RYR2: variants seen among roughly 807,000 people sequenced by gnomAD.
The protein encoded by RYR2 is ryanodine receptor 2, also known as cardiac muscle ryanodine receptor-calcium release channel.
RYR2 carries 227 observed loss-of-function variants against 601.1 expected under a neutral mutation model. The observed-to-expected ratio is 0.38, with a 90% CI of 0.34 to 0.42. The LOEUF (loss-of-function observed/expected upper bound fraction) is 0.42, where lower values mean the gene tolerates loss of function less well. RYR2 is among the 10% of genes least tolerant of loss of function. The pLI is 1.00. For missense variants in RYR2, 4,646 were observed against 6,156.5 expected, an observed-to-expected ratio of 0.75 and a Z score of 8.21; for synonymous variants, 2,223 against 2,175.1, an observed-to-expected ratio of 1.02 and a Z score of -0.61.
intron 22 of RYR2, 25 bp downstream of exon 22, chr1:237,503,530 A>G (rs1474170597): frequency 6.2e-7 from 1 of 1,608,694 alleles, no homozygotes; most frequent in Non-Finnish European, 8.5e-7. Context: ...TCGAATGGCA[A>G]TCACTGGTAT....
intron 3 of RYR2, among the ~76,000 whole-genome samples, chr1:237,347,924 G>T (rs1037236130): frequency 2.0e-5 from 3 of 152,150 alleles, no homozygotes; most frequent in African/African-American, 7.2e-5. Context: ...AGCAGTAAGA[G>T]AAGTGCACTG....
chr1:237,464,481 CT>C (rs1417104196), intron 16 of RYR2, among the ~76,000 whole-genome samples: 1 of 151,694 alleles, frequency 6.6e-6, no homozygotes, highest in Non-Finnish European at 1.5e-5. Flanking sequence ...GGACATGGCC[CT>C]TTTTTTTCCT....
chr1:237,685,906 A>G (rs1200691597), intron 62 of RYR2, among the ~76,000 whole-genome samples: 1 of 152,184 alleles, frequency 6.6e-6, no homozygotes, highest in Non-Finnish European at 1.5e-5. Flanking sequence ...GTAGATGAAC[A>G]TTTTCTTGGA....
intron 93 of RYR2, 34 bp downstream of exon 93, chr1:237,791,549 A>G: frequency 9.7e-7 from 1 of 1,034,220 alleles, no homozygotes; most frequent in East Asian, 2.6e-5. Flanking sequence ...TTACTGGTAT[A>G]AAACTCCAAA....
At chr1:237,502,696 T>C (rs573847598) in intron 21 of RYR2, among the ~76,000 whole-genome samples, 2 of 152,068 alleles carry the variant, frequency 1.3e-5, no homozygotes, top group East Asian at 1.9e-4. Flanking sequence ...ACAGCTCACC[T>C]CCTCCCTTGT....
chr1:237,614,604 T>C lies in RYR2; in HGVS notation c.5476T>C (p.Tyr1826His). The C allele has an allele frequency of 6.2e-7, 1 of 1,614,044 alleles. No homozygotes were observed. The highest frequency in any genetic ancestry group is 8.5e-7 in the Non-Finnish European group (1 of 1,179,898). Residue 1826 changes from tyrosine to histidine, a missense_variant, in exon 37 of 105, where the codon TAT becomes CAT. Around this residue, in one of 17 missense-constraint regions of RYR2, gnomAD observed 1,807 missense variants for 2,088.1 expected, o/e 0.87. Transcript: ENST00000366574. This position sits in a 1 kb window ranked among gnomAD's most constrained non-coding sequence, Gnocchi z 4.3. ...FLFVPLIKLF[Y>H]TLLIMGIFHN... ...CTTTGTACCTCTCATCAAGCTTTTC[T>C]ATACCCTGCTGATCATGGGCATCTT...
intron 12 of RYR2, among the ~76,000 whole-genome samples, chr1:237,433,462 T>A (rs59929875): frequency 0.031 from 4,725 of 152,212 alleles, 231 homozygotes; most frequent in African/African-American, 0.11. Flanking sequence ...CTTATAATTA[T>A]TGAAACACAA....
chr1:237,608,796 GTTTTTTT>G (rs33945891), intron 35 of RYR2, among the ~76,000 whole-genome samples: 13,604 of 119,262 alleles, frequency 0.11, 1,566 homozygotes, highest in African/African-American at 0.31. Flanking sequence ...AGACTGACCT[GTTTTTTT>G]TTTTTTTTTT....
intron 3 of RYR2, among the ~76,000 whole-genome samples, chr1:237,331,502 TTTTTC>T (rs1696711185): frequency 6.6e-6 from 1 of 151,672 alleles, no homozygotes; most frequent in Non-Finnish European, 1.5e-5. Flanking sequence ...AAAATTGAAA[TTTTTC>T]TTTTCTTTTT....
chr1:237,420,527 C>T (rs942592229), intron 11 of RYR2, among the ~76,000 whole-genome samples: 12 of 150,608 alleles, frequency 8.0e-5, no homozygotes, highest in African/African-American at 1.5e-4. Context: ...CTTGCCCTCT[C>T]ATTTGGGAGG....
At chr1:237,481,828 AAAAAAAAC>A (rs1354857761) in intron 17 of RYR2, among the ~76,000 whole-genome samples, 2 of 149,944 alleles carry the variant, frequency 1.3e-5, no homozygotes, top group African/African-American at 2.5e-5. Flanking sequence ...AAAAAAAAAA[AAAAAAAAC>A]CACCTCCCAA....
intron 8 of RYR2, among the ~76,000 whole-genome samples, chr1:237,378,918 G>A (rs185590117): frequency 1.2e-3 from 177 of 152,258 alleles, no homozygotes; most frequent in African/African-American, 4.0e-3. Context: ...CTGATGTTGC[G>A]TAGCTATAGG....
intron 47 of RYR2, among the ~76,000 whole-genome samples, chr1:237,643,038 A>G (rs894974978): frequency 5.3e-5 from 8 of 152,226 alleles, no homozygotes; most frequent in Admixed American, 5.2e-4. Flanking sequence ...GATTCTCAGT[A>G]TATCTTAACA....
intron 16 of RYR2, 117 bp downstream of exon 16, chr1:237,456,852 G>A: frequency 8.5e-7 from 1 of 1,180,088 alleles, no homozygotes; most frequent in Non-Finnish European, 1.2e-6. Context: ...TGAGGTGGGA[G>A]GATCATTTGA....
At chr1:237,345,840 CT>C (rs1298546253) in intron 3 of RYR2, among the ~76,000 whole-genome samples, 5 of 152,028 alleles carry the variant, frequency 3.3e-5, no homozygotes, top group Non-Finnish European at 5.9e-5. Context: ...TTCTTTTCCC[CT>C]GACCCCCAAA....
At chr1:237,448,277 A>AT (rs1376101916) in intron 14 of RYR2, among the ~76,000 whole-genome samples, 5 of 151,918 alleles carry the variant, frequency 3.3e-5, no homozygotes, top group Non-Finnish European at 5.9e-5. Context: ...TGACCAATAG[A>AT]TTTTTTCAGT....
intron 16 of RYR2, among the ~76,000 whole-genome samples, chr1:237,463,521 G>A (rs1659714251): frequency 6.6e-6 from 1 of 152,020 alleles, no homozygotes; most frequent in Admixed American, 6.6e-5. Context: ...CTTATAAGAA[G>A]TATCTAGAAT....
intron 25 of RYR2, among the ~76,000 whole-genome samples, chr1:237,546,526 T>C (rs2779380): frequency 0.88 from 134,381 of 151,968 alleles, 60,715 homozygotes; most frequent in East Asian, 0.97. Flanking sequence ...TACAGTTGGG[T>C]GCCACCATGC....
chr1:237,456,704 A>G lies in RYR2; in HGVS notation c.1581A>G (p.Lys527=), dbSNP rs754244483. ...VAGREAGESW[K]SILNSLYELL... ...GGCGAGAAGCAGGAGAGTCTTGGAA[A>G]TCCATTCTGAATTCTCTGTATGAGT... Residue 527 remains lysine (K), a synonymous_variant, in exon 16 of 105, where the codon AAA becomes AAG. Transcript: ENST00000366574. The G allele has an allele frequency of 1.9e-6, 3 of 1,613,654 alleles. No individual in the cohort carries two copies. The Admixed American group carries it at 5.0e-5, about 27-fold the overall frequency.
Sources: allele counts gnomAD v4.1 joint callset (sites outside exome capture counted in the v4.1 genomes callset), GRCh38; gene constraint gnomAD v4.1.1; regional missense constraint gnomAD v4.1.1; non-coding constraint Gnocchi (gnomAD v3.1); transcripts MANE v1.5; gene names NCBI Gene and HGNC (gene_info 2026-07-23, HGNC 2026-07-21).